CPS1: variants seen among roughly 807,000 people sequenced by gnomAD.
CPS1 encodes carbamoyl-phosphate synthase [ammonia], mitochondrial.
CPS1 carries 109 observed loss-of-function variants against 174.6 expected under a neutral mutation model. That is an observed-to-expected ratio of 0.62 (90% confidence interval 0.53 to 0.73). The LOEUF is 0.73. Among genes scored for constraint, CPS1 ranks in the 30% least tolerant of loss-of-function variants. The pLI is 0.00. For synonymous variants in CPS1, 637 were observed against 632.0 expected, an observed-to-expected ratio of 1.01 and a Z score of -0.12; for missense variants, 1,689 against 1,821.9, an observed-to-expected ratio of 0.93 and a Z score of 1.33.
At chr2:210,556,495 G>A, upstream of CPS1, 2 of 1,233,344 alleles carry the variant, frequency 1.6e-6, no homozygotes, top group South Asian at 2.6e-5. Flanking sequence ...TGCAATTTGT[G>A]TTACATGCCC....
chr2:210,633,803 A>G (rs1248202383), intron 21 of CPS1, among the ~76,000 whole-genome samples: 2 of 152,222 alleles, frequency 1.3e-5, no homozygotes, highest in Admixed American at 6.5e-5. Context: ...AAAGCTAAAG[A>G]TAACTACATG....
intron 1 of CPS1, among the ~76,000 whole-genome samples, chr2:210,542,746 G>A (rs7569730): frequency 0.016 from 2,429 of 151,992 alleles, 52 homozygotes; most frequent in African/African-American, 0.051. Flanking sequence ...AACAACAAAC[G>A]AAACCCTTCT....
chr2:210,591,781 A>T, intron 9 of CPS1, 50 bp from the exon 10 acceptor site: 1 of 1,584,474 alleles, frequency 6.3e-7, no homozygotes, highest in South Asian at 1.1e-5. Flanking sequence ...CATTTATATT[A>T]TTCTCTTCAC....
At chr2:210,479,710 G>C (rs1442873445) in intron 1 of CPS1, among the ~76,000 whole-genome samples, 1 of 152,220 alleles carries the variant, frequency 6.6e-6, no homozygotes, top group African/African-American at 2.4e-5. Flanking sequence ...GCTTTCACCT[G>C]TGGCTATGGT....
intron 1 of CPS1, among the ~76,000 whole-genome samples, chr2:210,562,689 C>G (rs907607312): frequency 2.6e-5 from 4 of 151,936 alleles, no homozygotes; most frequent in Admixed American, 6.6e-5. Context: ...CCAGAAAGCA[C>G]GTATGTTATA....
At position 210,663,119 on chromosome 2, in the gene CPS1, A is replaced by T. The variant is rs199854797; in HGVS notation, c.3928-4A>T. On this transcript the variant is annotated splice_polypyrimidine_tract_variant and splice_region_variant and intron_variant, in intron 32 of 37. Coordinates refer to ENST00000233072, the MANE Select transcript of CPS1 (RefSeq NM_001875.5). ...TTTCTCCCTGTTTTTTTTTTTTCCAACAGGCTCCCATGTTTTCCTGGCCCC... is the reference window on the plus strand; with the variant it reads ...TTTCTCCCTGTTTTTTTTTTTTCCATCAGGCTCCCATGTTTTCCTGGCCCC... 6.2e-7 allele frequency: 1 copy of T among 1,612,256 alleles called. No individual in the cohort carries two copies. Among genetic ancestry groups the T allele is most frequent in the African/African-American group, 1.3e-5 (1 of 74,524 alleles).
chr2:210,639,027 C>G, intron 22 of CPS1, 123 bp from the exon 23 acceptor site: 1 of 736,648 alleles, frequency 1.4e-6, no homozygotes, highest in Non-Finnish European at 2.4e-6. Context: ...CATACATTTT[C>G]CTGTTTGCAT....
chr2:210,486,155 CACA>C (rs1287653240), intron 1 of CPS1, among the ~76,000 whole-genome samples: 47 of 127,142 alleles, frequency 3.7e-4, no homozygotes, highest in African/African-American at 1.4e-3. Context: ...CACACACACA[CACA>C]CCCTGTATAT....
chr2:210,607,601 G>A (rs954956920), intron 18 of CPS1, among the ~76,000 whole-genome samples: 10 of 151,796 alleles, frequency 6.6e-5, no homozygotes, highest in African/African-American at 2.4e-4. Context: ...ACAGCACTGC[G>A]TGGAGTGGTG....
chr2:210,585,096 T>G (rs578015169), intron 6 of CPS1, among the ~76,000 whole-genome samples: 1 of 152,160 alleles, frequency 6.6e-6, no homozygotes, highest in Non-Finnish European at 1.5e-5. Flanking sequence ...TGCATTTAAC[T>G]CTTTGAAAGG....
chr2:210,665,290 AT>A (rs1322510667), intron 33 of CPS1, among the ~76,000 whole-genome samples: 1 of 151,992 alleles, frequency 6.6e-6, no homozygotes, highest in African/African-American at 2.4e-5. Flanking sequence ...TAAGAAATGA[AT>A]TTAGCCATCA....
At chr2:210,542,598 T>C (rs1696462345) in intron 1 of CPS1, among the ~76,000 whole-genome samples, 1 of 152,128 alleles carries the variant, frequency 6.6e-6, no homozygotes, top group South Asian at 2.1e-4. Flanking sequence ...TGCCGTGTTG[T>C]CTCTCTTTCT....
chr2:210,512,179 TA>T (rs1466459697), intron 1 of CPS1, among the ~76,000 whole-genome samples: 1 of 152,092 alleles, frequency 6.6e-6, no homozygotes, highest in Non-Finnish European at 1.5e-5. Flanking sequence ...TGCAAATATT[TA>T]CTTATGTTTT....
exon 1 of CPS1, chr2:210,477,713 T>C (rs375555180): frequency 1.7e-5 from 28 of 1,609,614 alleles, no homozygotes; most frequent in African/African-American, 1.7e-4. Context: ...TCTTAGGAAA[T>C]GTAGTTGCTT....
At chr2:210,484,194 C>T (rs186005770) in intron 1 of CPS1, among the ~76,000 whole-genome samples, 52 of 152,206 alleles carry the variant, frequency 3.4e-4, no homozygotes, top group African/African-American at 1.1e-3. Flanking sequence ...GGAAGCATAG[C>T]GATGAGCCAA....
In CPS1 at chr2:210,642,651, A is replaced by G. The variant is rs200237771; in HGVS notation, c.3127A>G (p.Ile1043Val). The G allele has an allele frequency of 1.3e-5, 21 of 1,613,934 alleles. No individual in the cohort carries two copies. The highest frequency in any genetic ancestry group is 1.5e-5 in the Non-Finnish European group (18 of 1,179,962). The change falls in exon 25 of 38, where the codon ATC becomes GTC. Residue 1043 changes from isoleucine (I) to valine (V), a missense_variant. Ile to Val is a conservative substitution (Grantham distance 29). Transcript: ENST00000233072. ...GTTGTCCTTGGAGAGAATCCTAGACATCTACCATCAGGAGGTAAGAAAAGA... is the reference window on the plus strand; with the variant it reads ...GTTGTCCTTGGAGAGAATCCTAGACGTCTACCATCAGGAGGTAAGAAAAGA... The part of the protein sequence containing the change: ...EELSLERILD[I>V]YHQEACGGCI...
chr2:210,513,572 T>C (rs145692086), intron 1 of CPS1, among the ~76,000 whole-genome samples: 149 of 152,134 alleles, frequency 9.8e-4, no homozygotes, highest in African/African-American at 3.4e-3. Context: ...TGAAGTTGCT[T>C]ATAGATTCCA....
At chr2:210,586,842 A>G (rs530574759) in intron 6 of CPS1, among the ~76,000 whole-genome samples, 1 of 152,186 alleles carries the variant, frequency 6.6e-6, no homozygotes, top group Non-Finnish European at 1.5e-5. Context: ...GATTACATAT[A>G]TTTTGTGAGT....
At chr2:210,495,009 G>T (rs1395096068) in intron 1 of CPS1, among the ~76,000 whole-genome samples, 2 of 152,186 alleles carry the variant, frequency 1.3e-5, no homozygotes, top group African/African-American at 4.8e-5. Context: ...GTGGGGTTCT[G>T]TCTTTGGTAT....
Sources: gnomAD v4.1 joint callset for allele counts (sites outside exome capture counted in the v4.1 genomes callset) on GRCh38, gnomAD v4.1.1 for gene constraint, MANE v1.5 for transcripts, NCBI Gene and HGNC (gene_info 2026-07-23, HGNC 2026-07-21) for gene names.